The following DHRS7B variants were observed in gnomAD, a reference collection of about 807,000 sequenced individuals.
The protein encoded by DHRS7B is peroxisomal reductase activating PPAR-gamma.
Under a neutral mutation model 26.4 loss-of-function variants are expected in DHRS7B, and 24 were observed. The ratio of observed to expected loss-of-function variants is 0.91; its 90% CI spans 0.66 to 1.28. The LOEUF (loss-of-function observed/expected upper bound fraction) is 1.28, where lower values mean the gene tolerates loss of function less well. Among genes scored for constraint, DHRS7B ranks in the 50% most tolerant of loss-of-function variants. DHRS7B has a pLI of 0.00. For synonymous variants in DHRS7B, 142 were observed against 166.4 expected, an observed-to-expected ratio of 0.85 and a Z score of 1.13; for missense variants, 368 against 419.4, an observed-to-expected ratio of 0.88 and a Z score of 1.07.
In DHRS7B at chr17:21,184,355, C is replaced by G; in HGVS notation, c.527-16C>G. ...GGAAGTAGGGCGCTTGCCTAAGCCTCTGCATCTGTCCTCAGCACTCCTGCC... is the reference window on the plus strand; with the variant it reads ...GGAAGTAGGGCGCTTGCCTAAGCCTGTGCATCTGTCCTCAGCACTCCTGCC... On this transcript the variant is annotated splice_polypyrimidine_tract_variant and intron_variant, in intron 4 of 6. Transcript: ENST00000395511. 1 of 1,607,498 alleles carries G rather than the reference C, an allele frequency of 6.2e-7. No individual in the cohort carries two copies. Among genetic ancestry groups the G allele is most frequent in the East Asian group, 2.2e-5 (1 of 44,862 alleles).
At chr17:21,146,827 T>C (rs1973653228) in intron 1 of DHRS7B, among the ~76,000 whole-genome samples, 1 of 152,186 alleles carries the variant, frequency 6.6e-6, no homozygotes, top group South Asian at 2.1e-4. Flanking sequence ...AGGCCAAGGG[T>C]ACTGGTTAGT....
chr17:21,163,452 G>T (rs1319196034), intron 1 of DHRS7B, among the ~76,000 whole-genome samples: 1 of 152,126 alleles, frequency 6.6e-6, no homozygotes, highest in Admixed American at 6.5e-5. Flanking sequence ...AAATCTCCCA[G>T]AGTCTGCTTG....
At chr17:21,134,217 A>T (rs1973296224) in intron 1 of DHRS7B, among the ~76,000 whole-genome samples, 1 of 152,226 alleles carries the variant, frequency 6.6e-6, no homozygotes, top group African/African-American at 2.4e-5. Context: ...TGCCAAAGAC[A>T]AGTCACGCTA....
chr17:21,184,865 C>T (rs1018842460), intron 5 of DHRS7B, among the ~76,000 whole-genome samples: 5 of 152,226 alleles, frequency 3.3e-5, no homozygotes, highest in Non-Finnish European at 1.5e-5. Flanking sequence ...CATATGCTTC[C>T]ACAGTTTTTT....
intron 3 of DHRS7B, among the ~76,000 whole-genome samples, chr17:21,182,544 C>T (rs369827082): frequency 2.0e-5 from 3 of 151,964 alleles, no homozygotes; most frequent in African/African-American, 7.3e-5. Flanking sequence ...CCACTGCCCC[C>T]GGCCAATTTT....
rs566958981 is a variant in DHRS7B, at chr17:21,142,409, C to T, written c.20+15418C>T. ...GGTTTCCGGTCTGGTTCCTAGGCAC[C>T]GGGCTACCTGTCTTTAGTTTCGCTT... On this transcript the variant is annotated intron_variant, in intron 1 of 6. Transcript: ENST00000395511. Among the ~76,000 whole-genome samples, 7 of 152,224 alleles carry T rather than the reference C, an allele frequency of 4.6e-5. No individual in the cohort carries two copies. The South Asian group carries it at 1.0e-3, about 23-fold the overall frequency.
At chr17:21,187,569 T>C (rs1974669940) in intron 5 of DHRS7B, among the ~76,000 whole-genome samples, 1 of 143,028 alleles carries the variant, frequency 7.0e-6, no homozygotes, top group Admixed American at 7.4e-5. Flanking sequence ...GAGTTTGCAG[T>C]GAGCCAAGAT....
intron 5 of DHRS7B, among the ~76,000 whole-genome samples, chr17:21,186,752 T>C (rs1597759624): frequency 6.6e-6 from 1 of 152,246 alleles, no homozygotes; most frequent in South Asian, 2.1e-4. Context: ...TGTGTTCCCA[T>C]TCAGAGCACC....
intron 1 of DHRS7B, among the ~76,000 whole-genome samples, chr17:21,131,296 A>T (rs971750500): frequency 6.6e-6 from 1 of 152,206 alleles, no homozygotes; most frequent in Non-Finnish European, 1.5e-5. Flanking sequence ...GAAGGGGTGG[A>T]TTATTCATGA....
chr17:21,179,041 C>T (rs1974454296), intron 3 of DHRS7B, among the ~76,000 whole-genome samples: 1 of 152,200 alleles, frequency 6.6e-6, no homozygotes, highest in Admixed American at 6.5e-5. Flanking sequence ...AACTCCTGGG[C>T]TCAAGTGATC....
At chr17:21,178,053 T>C (rs567956322) in intron 2 of DHRS7B, among the ~76,000 whole-genome samples, 180 bp from the exon 3 acceptor site, 1 of 152,378 alleles carries the variant, frequency 6.6e-6, no homozygotes, top group African/African-American at 2.4e-5. Context: ...CTGTGGATGT[T>C]TGTAGCACTG....
In DHRS7B at chr17:21,126,992, G is replaced by A. The variant is rs1326123921; in HGVS notation, c.20+1G>A. The A allele has an allele frequency of 7.2e-6, 11 of 1,527,562 alleles. No homozygotes were observed. Among genetic ancestry groups the A allele is most frequent in the Non-Finnish European group, 9.7e-6 (11 of 1,137,502 alleles). The allele number at this position is 1,527,562 out of a possible 1,614,324, so 94.6% of individuals were successfully genotyped here. A position where few individuals can be genotyped will look rare whatever the true frequency, so the allele number is the denominator to read the frequency against. On this transcript the variant is annotated splice_donor_variant, in intron 1 of 6. Coordinates refer to ENST00000395511, the MANE Select transcript of DHRS7B (RefSeq NM_015510.5). LOFTEE classifies it high-confidence loss of function. ...TGACTATGGTCTCTCCGGCTACCAG[G>A]TAGGGGCTGGGGAAGAAGGAACCTC...
At chr17:21,171,432 G>A (rs1235138852) in intron 1 of DHRS7B, among the ~76,000 whole-genome samples, 1 of 152,226 alleles carries the variant, frequency 6.6e-6, no homozygotes. Flanking sequence ...TTGGGGCAGG[G>A]CCCTGCACTG....
rs780031124 is a variant in DHRS7B, at chr17:21,178,349, CA to C, written c.309+8del. ...CGCTTCTCATGCCACCAAGGTGAGC[CA>C]GGGGCGTGCTTTCCATGGGGAAGGA... On this transcript the variant is annotated splice_region_variant and intron_variant, in intron 3 of 6. Transcript: ENST00000395511. The C allele has an allele frequency of 1.2e-6, 2 of 1,611,452 alleles. No individual in the cohort carries two copies. The highest frequency in any genetic ancestry group is 3.3e-5 in the Admixed American group (2 of 60,000).
chr17:21,141,640 A>AAAAAAAAAAAAAAAAAG lies in DHRS7B; in HGVS notation c.20+14649_20+14650insAAAAAAAAAAAAAAAAG. 8.0e-4 allele frequency among the ~76,000 whole-genome samples: 72 copies of AAAAAAAAAAAAAAAAAG among 90,074 alleles called. 15 individuals carry two copies. Among genetic ancestry groups the AAAAAAAAAAAAAAAAAG allele is most frequent in the East Asian group, 1.0e-3 (3 of 2,902 alleles). 59.1% of individuals were successfully genotyped at this position (90,074 alleles called of 152,430 possible). A position where few individuals can be genotyped will look rare whatever the true frequency, so the allele number is the denominator to read the frequency against. ...AAAGCAAAAAAAAAAAAAAAAAAAA[A>AAAAAAAAAAAAAAAAAG]CAACCTCATCTCAAACTCCACAAAG... On this transcript the variant is annotated intron_variant, in intron 1 of 6. Transcript: ENST00000395511.
At chr17:21,163,278 A>G (rs922267230) in intron 1 of DHRS7B, among the ~76,000 whole-genome samples, 2 of 152,108 alleles carry the variant, frequency 1.3e-5, no homozygotes, top group Admixed American at 1.3e-4. Context: ...GCTTTGGTAC[A>G]TTGTCAGGAC....
intron 1 of DHRS7B, among the ~76,000 whole-genome samples, chr17:21,136,975 T>C (rs189165430): frequency 0.02 from 2,970 of 145,916 alleles, 95 homozygotes; most frequent in African/African-American, 0.07. Flanking sequence ...TTTTTATTTC[T>C]TTTTTTTTTT....
intron 1 of DHRS7B, among the ~76,000 whole-genome samples, chr17:21,158,031 T>C (rs1370227947): frequency 6.6e-6 from 1 of 152,090 alleles, no homozygotes; most frequent in Non-Finnish European, 1.5e-5. Context: ...GCAGAGAAAG[T>C]ATTTGACAAT....
chr17:21,148,713 TC>T (rs1169649717), intron 1 of DHRS7B, among the ~76,000 whole-genome samples: 3 of 151,946 alleles, frequency 2.0e-5, no homozygotes, highest in African/African-American at 7.3e-5. Context: ...GCCACTGCAC[TC>T]CAGCCTAGGC....
Sources: allele counts gnomAD v4.1 joint callset (sites outside exome capture counted in the v4.1 genomes callset), GRCh38; gene constraint gnomAD v4.1.1; transcripts MANE v1.5; gene names NCBI Gene and HGNC (gene_info 2026-07-23, HGNC 2026-07-21).